LTBP2: variants seen among roughly 807,000 people sequenced by gnomAD.
The protein encoded by LTBP2 is latent-transforming growth factor beta-binding protein 2.
Under a neutral mutation model 210.6 loss-of-function variants are expected in LTBP2, and 103 were observed. That is an observed-to-expected ratio of 0.49 (90% CI 0.42 to 0.58). The LOEUF (loss-of-function observed/expected upper bound fraction) is 0.58, where lower values mean the gene tolerates loss of function less well. Among genes scored for constraint, LTBP2 ranks in the 20% least tolerant of loss-of-function variants. LTBP2 has a pLI of 0.00. For missense variants in LTBP2, 2,313 were observed against 2,494.5 expected, an observed-to-expected ratio of 0.93 and a Z score of 1.55; for synonymous variants, 1,007 against 1,015.0, an observed-to-expected ratio of 0.99 and a Z score of 0.15.
intron 18 of LTBP2, among the ~76,000 whole-genome samples, chr14:74,515,179 C>T (rs862049): frequency 0.64 from 96,574 of 151,666 alleles, 30,890 homozygotes; most frequent in East Asian, 0.74. Context: ...CCAGACATCG[C>T]GTCAAAAGCC....
intron 2 of LTBP2, among the ~76,000 whole-genome samples, chr14:74,601,533 T>C (rs2139805718): frequency 6.6e-6 from 1 of 152,318 alleles, no homozygotes; most frequent in South Asian, 2.1e-4. Context: ...GCAGATCTGC[T>C]TCGTTGTTTG....
chr14:74,508,586 G>C lies in LTBP2; in HGVS notation c.3652+18C>G. On this transcript the variant is annotated intron_variant, in intron 24 of 35. Transcript: ENST00000261978. ...CCCATGCTCCTGGCCAGTAGAGGTA[G>C]CTGTGCTGGCTTCTCACCCTGGCAG... 6.2e-7 allele frequency: 1 copy of C among 1,600,474 alleles called. No individual in the cohort carries two copies. Among genetic ancestry groups the C allele is most frequent in the Non-Finnish European group, 8.5e-7 (1 of 1,178,808 alleles).
chr14:74,573,655 C>T (rs926709000), intron 3 of LTBP2, among the ~76,000 whole-genome samples: 1 of 152,222 alleles, frequency 6.6e-6, no homozygotes, highest in African/African-American at 2.4e-5. Context: ...CGTAACTACC[C>T]TGGGATACTC....
In LTBP2 at chr14:74,500,796, G is replaced by C; in HGVS notation, c.*88C>G. On this transcript the variant is annotated 3_prime_UTR_variant, in exon 36 of 36. Transcript: ENST00000261978. ...TGGAAACCTCTGGCCTGATGTCACG[G>C]TGTCTTCCCAGCTAGGAAATCATCC... 1 of 1,556,442 alleles carries C rather than the reference G, an allele frequency of 6.4e-7. No individual in the cohort carries two copies. The highest frequency in any genetic ancestry group is 8.8e-7 in the Non-Finnish European group (1 of 1,130,906).
intron 3 of LTBP2, among the ~76,000 whole-genome samples, chr14:74,562,146 G>T (rs2087802152): frequency 2.0e-5 from 3 of 151,922 alleles, no homozygotes; most frequent in Non-Finnish European, 4.4e-5. Context: ...GGAGGTGGAG[G>T]TTGCAGTGAA....
intron 18 of LTBP2, among the ~76,000 whole-genome samples, chr14:74,513,696 G>A (rs560800888): frequency 9.8e-5 from 15 of 152,344 alleles, no homozygotes; most frequent in Admixed American, 8.5e-4. Flanking sequence ...CCAGCCACTC[G>A]GGAGGCTGAG....
In LTBP2 at chr14:74,525,216, G is replaced by A. The variant is rs765803486; in HGVS notation, c.2438C>T (p.Thr813Ile). 3 of 1,327,588 alleles carry A rather than the reference G, an allele frequency of 2.3e-6. No homozygotes were observed. Among genetic ancestry groups the A allele is most frequent in the Non-Finnish European group, 2.9e-6 (3 of 1,029,124 alleles). The allele number at this position is 1,327,588 out of a possible 1,614,324, so 82.2% of individuals were successfully genotyped here. A position where few individuals can be genotyped will look rare whatever the true frequency, so the allele number is the denominator to read the frequency against. The change falls in exon 15 of 36, where the codon ACA becomes ATA. Residue 813 changes from threonine (T) to isoleucine (I), a missense_variant. By Grantham distance (89) the Thr-to-Ile change is moderately conservative (BLOSUM62 -1). This residue lies in a region of LTBP2 where 1,867 missense variants were observed against 1,976.9 expected (regional missense o/e 0.94). Coordinates refer to ENST00000261978, the MANE Select transcript of LTBP2 (RefSeq NM_000428.3). ...CCCCTGTTCAGGCATTGGTGGGGTT[G>A]TGGCATTCCCTGTGGAGGAGAGAGG... is the stretch of plus-strand genomic sequence containing the variant. ...HAPAWVTGNA[T>I]TPPMPEQGIA...
rs886050761 is a variant in LTBP2 at position 74,611,990 on chromosome 14, C to T, written c.-46G>A. ...TGGTGCGCGCGGGCACCGCGAAGAGCTTTGTGGTCGGCACGCTGGACGCCC... is the reference window on the plus strand; with the variant it reads ...TGGTGCGCGCGGGCACCGCGAAGAGTTTTGTGGTCGGCACGCTGGACGCCC... On this transcript the variant is annotated 5_prime_UTR_variant, in exon 1 of 36. Coordinates refer to ENST00000261978, the MANE Select transcript of LTBP2 (RefSeq NM_000428.3). 1 of 1,490,160 alleles carries T rather than the reference C, an allele frequency of 6.7e-7. No individual in the cohort carries two copies. Among genetic ancestry groups the T allele is most frequent in the Non-Finnish European group, 8.9e-7 (1 of 1,129,600 alleles). The allele number at this position is 1,490,160 out of a possible 1,614,324, so 92.3% of individuals were successfully genotyped here.
At position 74,509,268 on chromosome 14, in the gene LTBP2, G is replaced by T. The variant is rs201501300; in HGVS notation, c.3373C>A (p.Arg1125=). 1.9e-6 allele frequency: 3 copies of T among 1,613,472 alleles called. No homozygotes were observed. The highest frequency in any genetic ancestry group is 2.5e-6 in the Non-Finnish European group (3 of 1,179,992). ...CAGGAGTCACCCAGGGGGCTGGGCCGGTAGCCCCCATCGCAGTCCTTGCAG... is the reference window on the plus strand; with the variant it reads ...CAGGAGTCACCCAGGGGGCTGGGCCTGTAGCCCCCATCGCAGTCCTTGCAG... ...FSCKDCDGGY[R]PSPLGDSCED... The change falls in exon 22 of 36, where the codon CGG becomes AGG. Residue 1125 remains arginine, a synonymous_variant. Transcript: ENST00000261978.
Position 74,510,166 on chromosome 14 carries a change from T to C in LTBP2, c.3076A>G (p.Thr1026Ala), listed in dbSNP as rs759008893. 3 of 1,614,078 alleles carry C rather than the reference T, an allele frequency of 1.9e-6. No homozygotes were observed. The highest frequency in any genetic ancestry group is 2.5e-6 in the Non-Finnish European group (3 of 1,180,018). Reference protein sequence around the residue: ...TPGVCAHGKCTNLEGSFRCSC... With the variant: ...TPGVCAHGKCANLEGSFRCSC... ...CATCTGAAGGAGCCTTCTAGGTTGG[T>C]GCACTTTCCATGGGCACAGACCCCG... is the stretch of plus-strand genomic sequence containing the variant. Residue 1026 changes from threonine to alanine, a missense_variant, in exon 20 of 36, where the codon ACC (threonine) becomes GCC (alanine). By Grantham distance (58) the Thr-to-Ala change is moderately conservative (BLOSUM62 0). Coordinates refer to ENST00000261978, the MANE Select transcript of LTBP2 (RefSeq NM_000428.3).
At chr14:74,504,105 GT>G (rs753671113) in intron 30 of LTBP2, 51 bp from the exon 31 acceptor site, 20 of 1,603,908 alleles carry the variant, frequency 1.2e-5, no homozygotes, top group Middle Eastern at 1.6e-4. Context: ...AGTATGAGGG[GT>G]ACCTAGAGCA....
chr14:74,516,115 C>T (rs2087131005), intron 18 of LTBP2, among the ~76,000 whole-genome samples: 1 of 152,228 alleles, frequency 6.6e-6, no homozygotes, highest in South Asian at 2.1e-4. Flanking sequence ...CCAGGTTCTT[C>T]TTGGACTGCG....
chr14:74,577,465 G>A (rs1595288174), intron 3 of LTBP2, among the ~76,000 whole-genome samples: 1 of 151,950 alleles, frequency 6.6e-6, no homozygotes, highest in East Asian at 1.9e-4. Context: ...ATTAGGGATG[G>A]AAGATGGCCA....
At position 74,508,928 on chromosome 14, in the gene LTBP2, TG is replaced by T. The variant is rs766213830; in HGVS notation, c.3427del (p.Gln1143ArgfsTer35). 1 of 1,613,728 alleles carries T rather than the reference TG, an allele frequency of 6.2e-7. No individual in the cohort carries two copies. Among genetic ancestry groups the T allele is most frequent in the South Asian group, 1.1e-5 (1 of 91,084 alleles). On this transcript the variant is annotated frameshift_variant, in exon 23 of 36. Coordinates refer to ENST00000261978, the MANE Select transcript of LTBP2 (RefSeq NM_000428.3). LOFTEE classifies it high-confidence loss of function. ...CEDVDECEDP[Q>X]SSCLGGECKN... ...GCACTCGCCTCCCAGGCAGCTGCTC[TG>T]GGGGTCTTCACATTCATCCACATCT... is the stretch of plus-strand genomic sequence containing the variant.
At chr14:74,577,180 G>T (rs865783336) in intron 3 of LTBP2, among the ~76,000 whole-genome samples, 1 of 151,880 alleles carries the variant, frequency 6.6e-6, no homozygotes, top group Non-Finnish European at 1.5e-5. Flanking sequence ...TCAGGAAAAA[G>T]AAAGAAAAAA....
In LTBP2 at chr14:74,504,479, C is replaced by T. The variant is rs576625545; in HGVS notation, c.4453+299G>A. 2.0e-5 allele frequency among the ~76,000 whole-genome samples: 3 copies of T among 152,380 alleles called. No homozygotes were observed. The South Asian group carries it at 6.2e-4, about 32-fold the overall frequency. On this transcript the variant is annotated intron_variant, in intron 30 of 35. Coordinates refer to ENST00000261978, the MANE Select transcript of LTBP2 (RefSeq NM_000428.3). ...GGCCTCTAGAGCAGTGCTCTCCACT[C>T]TGTCCCTGTGCCCACATGTGGCTGT...
intron 8 of LTBP2, among the ~76,000 whole-genome samples, chr14:74,540,831 A>ATG (rs1459464584): frequency 1.1e-4 from 1 of 8,776 alleles, no homozygotes; most frequent in African/African-American, 1.5e-4. Flanking sequence ...TTTTTATATA[A>ATG]TATATATTTA....
intron 28 of LTBP2, among the ~76,000 whole-genome samples, chr14:74,505,781 C>T (rs572127242): frequency 3.3e-5 from 5 of 152,282 alleles, no homozygotes; most frequent in Admixed American, 2.0e-4. Context: ...GCTCAATCTG[C>T]GGTCCCTGGG....
chr14:74,561,553 C>T (rs1309583247), intron 3 of LTBP2, among the ~76,000 whole-genome samples: 2 of 152,128 alleles, frequency 1.3e-5, no homozygotes, highest in African/African-American at 2.4e-5. Flanking sequence ...ATAGTGGCCA[C>T]TCTTTAAGAA....
Sources: allele counts gnomAD v4.1 joint callset (sites outside exome capture counted in the v4.1 genomes callset), GRCh38; gene constraint gnomAD v4.1.1; regional missense constraint gnomAD v4.1.1; transcripts MANE v1.5; gene names NCBI Gene and HGNC (gene_info 2026-07-23, HGNC 2026-07-21).